GPM6B: variants seen among roughly 807,000 people sequenced by gnomAD.
GPM6B encodes the protein glycoprotein M6B.
GPM6B carries 4 observed loss-of-function variants against 27.2 expected under a neutral mutation model. That is an observed-to-expected ratio of 0.15 (90% CI 0.07 to 0.34). GPM6B has a LOEUF of 0.34. GPM6B is among the 10% of genes least tolerant of loss of function. The pLI, the probability that GPM6B is intolerant of heterozygous loss-of-function variation, is 1.00. For synonymous variants in GPM6B, 124 were observed against 103.1 expected (o/e 1.20, Z -1.23); for missense variants, 183 against 261.9 (o/e 0.70, Z 2.08).
intron 6 of GPM6B, among the ~76,000 whole-genome samples, chrX:13,776,844 G>A (rs2048421475): frequency 8.9e-6 from 1 of 112,042 alleles, no homozygotes; most frequent in Non-Finnish European, 1.9e-5. Flanking sequence ...TAGTAAGGAC[G>A]AATGAGAATT....
intron 2 of GPM6B, among the ~76,000 whole-genome samples, chrX:13,790,755 G>A (rs1219187908): frequency 8.9e-6 from 1 of 112,148 alleles, no homozygotes; most frequent in Non-Finnish European, 1.9e-5. Context: ...GTGCATTTTT[G>A]TGAGCCAAAC....
rs869123073 is a variant in GPM6B at position 13,787,041 on chromosome X, C to CAAAAAAAAAA, written c.182-1243_182-1234dup. Among the ~76,000 whole-genome samples the CAAAAAAAAAA allele has an allele frequency of 8.9e-3, 217 of 24,470 alleles. 25 individuals carry two copies. Among genetic ancestry groups the CAAAAAAAAAA allele is most frequent in the African/African-American group, 0.026 (128 of 4,877 alleles). The allele number at this position is 24,470 out of a possible 115,157, so 21.2% of individuals were successfully genotyped here. A position where few individuals can be genotyped will look rare whatever the true frequency, so the allele number is the denominator to read the frequency against. ...CTTTAGGGCAAGCACATTAAGCCAG[C>CAAAAAAAAAA]AAAAAAAAAAAAAAAAAAAAAAAAA... On this transcript the variant is annotated intron_variant, in intron 2 of 7. Transcript: ENST00000316715.
intron 1 of GPM6B, among the ~76,000 whole-genome samples, chrX:13,822,533 ATT>A (rs1226831480): frequency 2.0e-5 from 2 of 98,634 alleles, no homozygotes; most frequent in Non-Finnish European, 2.1e-5. Flanking sequence ...CGCCCAGCTA[ATT>A]TTTTTTTTTT....
chrX:13,858,591 A>G (rs1280584618), intron 1 of GPM6B, among the ~76,000 whole-genome samples: 1 of 111,674 alleles, frequency 9.0e-6, no homozygotes, highest in East Asian at 2.8e-4. Flanking sequence ...GACAGACCTC[A>G]AAGTCCTCGA....
chrX:13,865,559 A>AAAAAAAAAAAAAAAAAAAAAAAAAGAAAG (rs34662549), intron 1 of GPM6B, among the ~76,000 whole-genome samples: 1 of 52,929 alleles, frequency 1.9e-5, no homozygotes, highest in Non-Finnish European at 3.6e-5. Context: ...AAAAAAAAAA[A>AAAAAAAAAAAAAAAAAAAAAAAAAGAAAG]AAAGAAAGAA....
intron 1 of GPM6B, among the ~76,000 whole-genome samples, chrX:13,826,351 G>A (rs1260647466): frequency 3.6e-5 from 4 of 111,112 alleles, no homozygotes; most frequent in Non-Finnish European, 7.5e-5. Context: ...GAGCCACACT[G>A]AAGAAACAAA....
chrX:13,820,165 G>A (rs1361065601), upstream of GPM6B, among the ~76,000 whole-genome samples: 1 of 111,544 alleles, frequency 9.0e-6, no homozygotes, highest in Non-Finnish European at 1.9e-5. Flanking sequence ...GTGGAAGACA[G>A]GGTGGGTGGA....
At chrX:13,931,552 T>C (rs941197360) in intron 1 of GPM6B, among the ~76,000 whole-genome samples, 1 of 110,558 alleles carries the variant, frequency 9.0e-6, no homozygotes, top group Non-Finnish European at 1.9e-5. Flanking sequence ...AGTAAATAAA[T>C]AGACATGGAA....
chrX:13,820,446 G>A (rs2049295455), upstream of GPM6B, among the ~76,000 whole-genome samples: 1 of 110,664 alleles, frequency 9.0e-6, no homozygotes, highest in Non-Finnish European at 1.9e-5. Flanking sequence ...GTGGTTGAAG[G>A]TGCTCTTAGG....
At chrX:13,866,894 G>A in intron 1 of GPM6B, among the ~76,000 whole-genome samples, 1 of 111,693 alleles carries the variant, frequency 9.0e-6, no homozygotes, top group Middle Eastern at 4.6e-3. Flanking sequence ...TTTCAAAAGG[G>A]AAAAGGAAAA....
intron 1 of GPM6B, among the ~76,000 whole-genome samples, chrX:13,930,721 C>T: frequency 8.9e-6 from 1 of 112,185 alleles, no homozygotes; most frequent in East Asian, 2.8e-4. Context: ...CAACAAATAA[C>T]TTAGATAAAA....
chrX:13,931,304 T>C (rs34959529), intron 1 of GPM6B, among the ~76,000 whole-genome samples: 7,106 of 110,244 alleles, frequency 0.064, 202 homozygotes, highest in Middle Eastern at 0.14. Flanking sequence ...CAGGCTATCA[T>C]GGTGAAACCC....
intron 1 of GPM6B, among the ~76,000 whole-genome samples, chrX:13,857,883 A>C (rs2049799655): frequency 8.9e-6 from 1 of 112,655 alleles, no homozygotes; most frequent in Non-Finnish European, 1.9e-5. Context: ...TTTGTATTGC[A>C]AGCATACAGT....
chrX:13,809,050 T>C (rs1025717282), intron 1 of GPM6B, among the ~76,000 whole-genome samples: 1 of 112,228 alleles, frequency 8.9e-6, no homozygotes, highest in African/African-American at 3.2e-5. Context: ...CAAAAATTTA[T>C]GGAGTGCTTA....
At chrX:13,795,746 T>TC (rs1300112008) in intron 2 of GPM6B, among the ~76,000 whole-genome samples, 1 of 100,999 alleles carries the variant, frequency 9.9e-6, no homozygotes, top group African/African-American at 3.7e-5. Flanking sequence ...TCTTTTCTTT[T>TC]TTTTTTTTTT....
intron 1 of GPM6B, among the ~76,000 whole-genome samples, chrX:13,918,895 T>A (rs376991889): frequency 8.9e-6 from 1 of 111,910 alleles, no homozygotes; most frequent in East Asian, 2.8e-4. Context: ...CCACAATCCT[T>A]CCACCAGGCA....
intron 1 of GPM6B, among the ~76,000 whole-genome samples, chrX:13,905,285 C>CA (rs1279861530): frequency 9.3e-6 from 1 of 107,431 alleles, no homozygotes; most frequent in Non-Finnish European, 1.9e-5. Context: ...ATTTGATGCT[C>CA]AAAAAATCCA....
At chrX:13,828,900 C>T (rs1320713547) in intron 1 of GPM6B, among the ~76,000 whole-genome samples, 2 of 112,012 alleles carry the variant, frequency 1.8e-5, no homozygotes, top group Admixed American at 9.5e-5. Context: ...GAGCTGTACA[C>T]GGACTTGGCC....
At chrX:13,865,587 A>G (rs1168845286) in intron 1 of GPM6B, among the ~76,000 whole-genome samples, 1 of 97,535 alleles carries the variant, frequency 1.0e-5, no homozygotes, top group Non-Finnish European at 2.1e-5. Flanking sequence ...AAAGAAAAGA[A>G]AAAAAAAACA....
Sources: gnomAD v4.1 joint callset for allele counts (sites outside exome capture counted in the v4.1 genomes callset) on GRCh38, gnomAD v4.1.1 for gene constraint, MANE v1.5 for transcripts, NCBI Gene and HGNC (gene_info 2026-07-23, HGNC 2026-07-21) for gene names.